The following VWC2 variants were observed in gnomAD, a reference collection of about 807,000 sequenced individuals.
VWC2 encodes von Willebrand factor C domain containing 2, also known as brorin.
In VWC2, 14 loss-of-function variants were observed where a neutral mutation model predicts 29.8. That is an observed-to-expected ratio of 0.47 (90% CI 0.31 to 0.74). The LOEUF (loss-of-function observed/expected upper bound fraction) is 0.74. Ranked by LOEUF, VWC2 falls within the 30% of genes least tolerant of loss-of-function variation. The pLI is 0.05. For missense variants in VWC2, 457 were observed against 459.8 expected (o/e 0.99, Z 0.05); for synonymous variants, 213 against 199.0 (o/e 1.07, Z -0.59).
chr7:49,798,627 AC>A (rs1161331048), intron 2 of VWC2, among the ~76,000 whole-genome samples: 2 of 152,084 alleles, frequency 1.3e-5, no homozygotes, highest in African/African-American at 4.8e-5. Flanking sequence ...CAGTGTAGGG[AC>A]TGGAGCCAGT....
intron 3 of VWC2, among the ~76,000 whole-genome samples, chr7:49,840,021 G>A (rs111510594): frequency 0.014 from 2,202 of 152,272 alleles, 34 homozygotes; most frequent in African/African-American, 0.036. Flanking sequence ...GTGCTGGGAC[G>A]TGTCTATCTC....
chr7:49,886,945 T>C (rs1430359680), intron 3 of VWC2, among the ~76,000 whole-genome samples: 2 of 152,178 alleles, frequency 1.3e-5, no homozygotes, highest in Non-Finnish European at 1.5e-5. Flanking sequence ...TTTTTTTTTC[T>C]TTTTCTTTTG....
chr7:49,843,177 C>G (rs750470605), intron 3 of VWC2, among the ~76,000 whole-genome samples: 1 of 152,178 alleles, frequency 6.6e-6, no homozygotes, highest in Non-Finnish European at 1.5e-5. Context: ...TTTCTGTGAA[C>G]TTCTTGCTTA....
At chr7:49,898,308 T>C (rs907832206) in intron 3 of VWC2, among the ~76,000 whole-genome samples, 1 of 151,366 alleles carries the variant, frequency 6.6e-6, no homozygotes, top group African/African-American at 2.4e-5. Flanking sequence ...TAAGAAAACA[T>C]CGAAGTTTTT....
At chr7:49,815,047 G>T (rs181425201) in intron 3 of VWC2, among the ~76,000 whole-genome samples, 42 of 152,206 alleles carry the variant, frequency 2.8e-4, no homozygotes, top group African/African-American at 9.4e-4. Flanking sequence ...TCAGATTGTT[G>T]GAGAAAAGTG....
chr7:49,828,275 A>G (rs1395772611), intron 3 of VWC2, among the ~76,000 whole-genome samples: 1 of 152,088 alleles, frequency 6.6e-6, no homozygotes, highest in African/African-American at 2.4e-5. Flanking sequence ...TTGCTTATGG[A>G]TCTTTGGTTC....
At chr7:49,788,427 G>C (rs924287467) in intron 2 of VWC2, among the ~76,000 whole-genome samples, 1 of 151,538 alleles carries the variant, frequency 6.6e-6, no homozygotes, top group Non-Finnish European at 1.5e-5. Flanking sequence ...GAGCACTGTA[G>C]TTCTGTTTTC....
intron 3 of VWC2, among the ~76,000 whole-genome samples, chr7:49,836,660 A>C (rs1427672377): frequency 6.6e-6 from 1 of 150,944 alleles, no homozygotes; most frequent in Non-Finnish European, 1.5e-5. Flanking sequence ...AAATAAATAA[A>C]TAAATAAATA....
At chr7:49,792,967 G>C (rs1788499155) in intron 2 of VWC2, among the ~76,000 whole-genome samples, 1 of 152,204 alleles carries the variant, frequency 6.6e-6, no homozygotes, top group Admixed American at 6.5e-5. Context: ...CTAGATCTGG[G>C]ACAACGCTCG....
At chr7:49,896,881 AT>A (rs36066373) in intron 3 of VWC2, among the ~76,000 whole-genome samples, 367 of 94,982 alleles carry the variant, frequency 3.9e-3, no homozygotes, top group South Asian at 0.016. Flanking sequence ...TGGATTGATA[AT>A]TTTTTTTTTT....
At chr7:49,792,972 C>T (rs957895808) in intron 2 of VWC2, among the ~76,000 whole-genome samples, 3 of 152,328 alleles carry the variant, frequency 2.0e-5, no homozygotes, top group African/African-American at 7.2e-5. Flanking sequence ...TCTGGGACAA[C>T]GCTCGTGCTT....
chr7:49,794,746 T>C lies in VWC2; in HGVS notation c.697-7965T>C, dbSNP rs73108832. Among the ~76,000 whole-genome samples, 1,432 of 152,278 alleles carry C rather than the reference T, an allele frequency of 9.4e-3. 11 individuals are homozygous for C. Among genetic ancestry groups the C allele is most frequent in the Non-Finnish European group, 0.014 (954 of 68,018 alleles). On this transcript the variant is annotated intron_variant, in intron 2 of 3. Transcript: ENST00000340652. The stretch of plus-strand genomic sequence containing the variant: ...CAGTCTGATCCATTGTTGCACTTCT[T>C]CGTTGTAGTTCAGTTCGGCCAGTCT...
intron 3 of VWC2, among the ~76,000 whole-genome samples, chr7:49,844,375 A>G (rs375621152): frequency 8.5e-5 from 13 of 152,242 alleles, no homozygotes; most frequent in Non-Finnish European, 1.8e-4. Context: ...AGGTAAGCCA[A>G]GCCAGGTCTG....
At chr7:49,780,470 C>T (rs1366831027) in intron 2 of VWC2, among the ~76,000 whole-genome samples, 1 of 152,130 alleles carries the variant, frequency 6.6e-6, no homozygotes, top group Non-Finnish European at 1.5e-5. Context: ...TTGTTTTCAT[C>T]ATGGGAATCT....
chr7:49,899,549 T>C (rs1792593832), intron 3 of VWC2, among the ~76,000 whole-genome samples: 1 of 151,934 alleles, frequency 6.6e-6, no homozygotes, highest in African/African-American at 2.4e-5. Flanking sequence ...CAGAGCAGAC[T>C]TTAGAACAAG....
chr7:49,883,286 A>G (rs1462188385), intron 3 of VWC2, among the ~76,000 whole-genome samples: 1 of 152,130 alleles, frequency 6.6e-6, no homozygotes, highest in Non-Finnish European at 1.5e-5. Context: ...AATCCAGGGC[A>G]CTGCCATGGA....
rs1303977255 is a variant in VWC2, at chr7:49,800,452, AG to A, written c.697-2258del. Reference sequence around the variant, plus strand: ...CTCCCTGGTGTATGCCTAGGTGAGGAGTAGATGCCACGTTGTGCTGCTTCGT... The same window carrying A: ...CTCCCTGGTGTATGCCTAGGTGAGGATAGATGCCACGTTGTGCTGCTTCGT... On this transcript the variant is annotated intron_variant, in intron 2 of 3. Coordinates refer to ENST00000340652, the MANE Select transcript of VWC2 (RefSeq NM_198570.5). Among the ~76,000 whole-genome samples the A allele has an allele frequency of 2.0e-5, 3 of 152,212 alleles. No individual in the cohort carries two copies. The East Asian group carries it at 5.8e-4, about 29-fold the overall frequency.
At chr7:49,808,496 A>G (rs1788926513) in intron 3 of VWC2, among the ~76,000 whole-genome samples, 1 of 152,096 alleles carries the variant, frequency 6.6e-6, no homozygotes, top group African/African-American at 2.4e-5. Context: ...GAACAATAAT[A>G]TAGAAGACTT....
At chr7:49,802,246 C>T (rs1788755188) in intron 2 of VWC2, among the ~76,000 whole-genome samples, 2 of 152,188 alleles carry the variant, frequency 1.3e-5, no homozygotes, top group Admixed American at 1.3e-4. Context: ...TCACCAAACA[C>T]CCAGCATGCC....
Sources: gnomAD v4.1 joint callset for allele counts (sites outside exome capture counted in the v4.1 genomes callset) on GRCh38, gnomAD v4.1.1 for gene constraint, MANE v1.5 for transcripts, NCBI Gene and HGNC (gene_info 2026-07-23, HGNC 2026-07-21) for gene names.